TENM3: variants seen among roughly 807,000 people sequenced by gnomAD.
TENM3 encodes teneurin transmembrane protein 3, also known as teneurin-3.
TENM3 carries 63 observed loss-of-function variants against 255.1 expected under a neutral mutation model. The observed-to-expected ratio is 0.25, with a 90% CI of 0.20 to 0.30. TENM3 has a LOEUF of 0.30. TENM3 is among the 10% of genes least tolerant of loss of function. TENM3 has a pLI of 1.00. For missense variants in TENM3, 2,929 were observed against 3,461.1 expected (o/e 0.85, Z 3.86); for synonymous variants, 1,306 against 1,322.3 (o/e 0.99, Z 0.27).
upstream of TENM3, chr4:182,144,253 G>A (rs1367890519): frequency 2.0e-5 from 3 of 150,620 alleles, no homozygotes; most frequent in African/African-American, 7.4e-5. Context: ...CCCGGGCTCG[G>A]GCACACTCGG....
At chr4:182,215,306 C>T (rs1046933379) in intron 1 of TENM3, among the ~76,000 whole-genome samples, 2 of 152,160 alleles carry the variant, frequency 1.3e-5, no homozygotes, top group Admixed American at 1.3e-4. Context: ...GAAAAGATGA[C>T]GCCTCCAGAA....
At chr4:182,709,949 C>G (rs1758626934) in intron 12 of TENM3, among the ~76,000 whole-genome samples, 1 of 152,180 alleles carries the variant, frequency 6.6e-6, no homozygotes, top group African/African-American at 2.4e-5. Flanking sequence ...CTTTCTACTT[C>G]TGATGTTCTG....
At chr4:181,702,280 T>G in the TENM3 span, among the ~76,000 whole-genome samples, 1 of 152,218 alleles carries the variant, frequency 6.6e-6, no homozygotes, top group Non-Finnish European at 1.5e-5. Flanking sequence ...AGTGCTAATG[T>G]GTACAACTGC....
At chr4:181,702,774 T>G in the TENM3 span, among the ~76,000 whole-genome samples, 1 of 152,190 alleles carries the variant, frequency 6.6e-6, no homozygotes, top group Non-Finnish European at 1.5e-5. Flanking sequence ...GAATCTCAGA[T>G]TTCAACATGT....
chr4:182,560,523 G>A (rs1423066080), intron 3 of TENM3, among the ~76,000 whole-genome samples: 2 of 152,214 alleles, frequency 1.3e-5, no homozygotes, highest in Admixed American at 1.3e-4. Flanking sequence ...CTAGGGAAGA[G>A]AAGTTTTCAA....
At chr4:181,825,396 A>G in the TENM3 span, among the ~76,000 whole-genome samples, 253 of 64,116 alleles carry the variant, frequency 3.9e-3, 2 homozygotes, top group African/African-American at 0.015. Flanking sequence ...GTGAGACTCC[A>G]TCTCAAAAAA....
Position 182,799,601 on chromosome 4 carries a change from C to T in TENM3, c.7350C>T (p.Ile2450=). ...KSQQWDDIPP[I]FGVQQQVARQ... is the part of the protein sequence containing the mutation. ...CTCTTTTGTTTCGCCCGCAGCCCATCTTCGGAGTCCAGCAGCAAGTGGCGC... is the reference window on the plus strand; with the variant it reads ...CTCTTTTGTTTCGCCCGCAGCCCATTTTCGGAGTCCAGCAGCAAGTGGCGC... The change falls in exon 28 of 28, where the codon ATC becomes ATT. Residue 2450 remains isoleucine (I), a synonymous_variant. Coordinates refer to ENST00000511685, the MANE Select transcript of TENM3 (RefSeq NM_001080477.4). The surrounding 1 kb of genome is among the most constrained non-coding windows in gnomAD (Gnocchi z 4.2). 6.5e-7 allele frequency: 1 copy of T among 1,539,554 alleles called. No individual in the cohort carries two copies. Among genetic ancestry groups the T allele is most frequent in the South Asian group, 1.2e-5 (1 of 83,996 alleles).
chr4:182,521,873 CT>C (rs528819271), intron 3 of TENM3, among the ~76,000 whole-genome samples: 282 of 152,228 alleles, frequency 1.9e-3, no homozygotes, highest in African/African-American at 6.6e-3. Context: ...TCAAGATTCT[CT>C]TCCCATGTTC....
chr4:182,040,359 C>T, the TENM3 span, among the ~76,000 whole-genome samples: 2 of 152,138 alleles, frequency 1.3e-5, no homozygotes, highest in East Asian at 1.9e-4. Context: ...GAACACAGTC[C>T]GGTTTCCAAA....
chr4:181,850,901 G>A, the TENM3 span, among the ~76,000 whole-genome samples: 2 of 151,734 alleles, frequency 1.3e-5, no homozygotes, highest in Non-Finnish European at 2.9e-5. Flanking sequence ...CATTCCACAC[G>A]TCCAAAACTA....
chr4:182,577,305 A>G (rs573746292), intron 3 of TENM3, among the ~76,000 whole-genome samples: 6 of 152,332 alleles, frequency 3.9e-5, no homozygotes, highest in Admixed American at 3.9e-4. Flanking sequence ...AAAGCAGGAA[A>G]GTATCTGTTT....
intron 1 of TENM3, among the ~76,000 whole-genome samples, chr4:182,189,215 G>A (rs906113818): frequency 1.3e-5 from 2 of 151,662 alleles, no homozygotes; most frequent in African/African-American, 4.8e-5. Context: ...ATTCTTGGTG[G>A]CCTTTCTTCT....
At chr4:181,928,556 G>A in the TENM3 span, among the ~76,000 whole-genome samples, 93 of 151,892 alleles carry the variant, frequency 6.1e-4, no homozygotes, top group Middle Eastern at 0.01. Flanking sequence ...TACGTTTGAT[G>A]GGTGTGCCTG....
At chr4:182,319,345 G>A (rs180920002) in intron 1 of TENM3, among the ~76,000 whole-genome samples, 13 of 152,282 alleles carry the variant, frequency 8.5e-5, no homozygotes, top group African/African-American at 3.1e-4. Flanking sequence ...ACTGCCTTTT[G>A]AAGTCATATT....
intron 2 of TENM3, among the ~76,000 whole-genome samples, chr4:182,344,219 A>T (rs1764658736): frequency 6.6e-6 from 1 of 152,170 alleles, no homozygotes; most frequent in Non-Finnish European, 1.5e-5. Flanking sequence ...GAGTGGCTTT[A>T]ACCTGAGTCC....
chr4:182,095,737 CA>C, the TENM3 span, among the ~76,000 whole-genome samples: 4,685 of 151,410 alleles, frequency 0.031, 107 homozygotes, highest in Non-Finnish European at 0.049. Flanking sequence ...GTTCCTAAAA[CA>C]AAAAAAATAT....
the TENM3 span, among the ~76,000 whole-genome samples, chr4:181,955,340 G>A: frequency 6.6e-6 from 1 of 152,134 alleles, no homozygotes; most frequent in Non-Finnish European, 1.5e-5. Context: ...CCCTAGCACT[G>A]CAGGAGTGGC....
At chr4:181,877,619 G>A in the TENM3 span, among the ~76,000 whole-genome samples, 177 of 152,232 alleles carry the variant, frequency 1.2e-3, no homozygotes, top group Admixed American at 1.7e-3. Context: ...GCTCCATGAT[G>A]TCACTGGGGT....
chr4:182,523,405 T>C (rs377056822), intron 3 of TENM3, among the ~76,000 whole-genome samples: 16 of 152,170 alleles, frequency 1.1e-4, no homozygotes, highest in East Asian at 5.8e-4. Flanking sequence ...TCGGTTATGT[T>C]AGCCAATTAT....
Sources: gnomAD v4.1 joint callset for allele counts (sites outside exome capture counted in the v4.1 genomes callset) on GRCh38, gnomAD v4.1.1 for gene constraint, Gnocchi (gnomAD v3.1) non-coding constraint, MANE v1.5 for transcripts, NCBI Gene and HGNC (gene_info 2026-07-23, HGNC 2026-07-21) for gene names.